Variants in WDR48 observed in about 807,000 individuals in gnomAD.
WDR48 encodes WD repeat domain 48, also known as WD repeat-containing protein 48.
A neutral mutation model predicts 94.0 loss-of-function variants in WDR48; 22 were observed. That is an observed-to-expected ratio of 0.23 (90% CI 0.17 to 0.33). The LOEUF is 0.33. Ranked by LOEUF, WDR48 falls within the 10% of genes least tolerant of loss-of-function variation. The probability of loss-of-function intolerance (pLI) is 1.00; values close to 1 mark genes in which losing one functional copy is unlikely to be tolerated. For missense variants in WDR48, 541 were observed against 813.8 expected, an observed-to-expected ratio of 0.66 and a Z score of 4.08; for synonymous variants, 278 against 280.5, an observed-to-expected ratio of 0.99 and a Z score of 0.09.
chr3:39,068,772 T>C lies in WDR48; in HGVS notation c.483T>C (p.Thr161=), dbSNP rs572645615. ...ALTASNNTVT[T]SSLSGNKDSI... ...TTTAGCTCCGTTTATCCTCAATAGC[T>C]TCTTCTTTAAGTGGAAACAAAGATT... is the stretch of plus-strand genomic sequence containing the variant. Residue 161 remains threonine, a splice_region_variant and synonymous_variant, in exon 6 of 19, where the codon ACT becomes ACC. Coordinates refer to ENST00000302313, the MANE Select transcript of WDR48 (RefSeq NM_020839.4). The C allele has an allele frequency of 6.2e-7, 1 of 1,602,402 alleles. No homozygotes were observed. Among genetic ancestry groups the C allele is most frequent in the South Asian group, 1.1e-5 (1 of 89,410 alleles).
rs567788990 is a variant in WDR48, at chr3:39,055,355, C to T, written c.48+3282C>T. On this transcript the variant is annotated intron_variant, in intron 1 of 18. Coordinates refer to ENST00000302313, the MANE Select transcript of WDR48 (RefSeq NM_020839.4). ...TATAAAAATTGCCGGCATGGTGGCG[C>T]ATGCCTGTAATCCCAGGTACTTGGG... Among the ~76,000 whole-genome samples the T allele has an allele frequency of 1.4e-4, 21 of 152,268 alleles. No individual in the cohort carries two copies. The East Asian group carries it at 3.9e-3, about 28-fold the overall frequency.
At chr3:39,062,990 T>G (rs1278142945) in intron 1 of WDR48, 60 bp from the exon 2 acceptor site, 2 of 1,589,068 alleles carry the variant, frequency 1.3e-6, no homozygotes, top group Non-Finnish European at 1.7e-6. Flanking sequence ...ACTAGTAGAC[T>G]ATATTTTATT....
At chr3:39,059,649 T>C (rs931075649) in intron 1 of WDR48, among the ~76,000 whole-genome samples, 5 of 151,604 alleles carry the variant, frequency 3.3e-5, no homozygotes, top group African/African-American at 2.4e-5. Context: ...TTACAGTTAA[T>C]TGCATCCAAA....
At chr3:39,072,961 GT>G (rs1249424811) in intron 7 of WDR48, among the ~76,000 whole-genome samples, 2 of 152,156 alleles carry the variant, frequency 1.3e-5, no homozygotes, top group African/African-American at 4.8e-5. Flanking sequence ...ATAAAACTGT[GT>G]TTCCTTATCT....
In WDR48 at chr3:39,079,656, A is replaced by G; in HGVS notation, c.1076-55A>G. 4 of 1,280,102 alleles carry G rather than the reference A, an allele frequency of 3.1e-6. No homozygotes were observed. In the South Asian group the frequency reaches 5.6e-5, roughly 18 times the overall value. The allele number at this position is 1,280,102 out of a possible 1,614,324, so 79.3% of individuals were successfully genotyped here. A position where few individuals can be genotyped will look rare whatever the true frequency, so the allele number is the denominator to read the frequency against. On this transcript the variant is annotated intron_variant, in intron 10 of 18. Coordinates refer to ENST00000302313, the MANE Select transcript of WDR48 (RefSeq NM_020839.4). Reference sequence around the variant, plus strand: ...ACCAGTTAACAATTGTTACCACACCATGAATTTAAATGTAGAAAGATTGTT... The same window carrying G: ...ACCAGTTAACAATTGTTACCACACCGTGAATTTAAATGTAGAAAGATTGTT...
chr3:39,089,748 T>C (rs2034986244), intron 16 of WDR48: 1 of 152,436 alleles, frequency 6.6e-6, no homozygotes, highest in African/African-American at 2.4e-5. Flanking sequence ...TCTTATACTG[T>C]TCTGCAACTT....
chr3:39,067,794 G>T (rs74648659), intron 5 of WDR48, among the ~76,000 whole-genome samples: 2 of 152,244 alleles, frequency 1.3e-5, no homozygotes, highest in Non-Finnish European at 2.9e-5. Context: ...ATAATCTCTT[G>T]ATTGTTGTTT....
chr3:39,084,376 G>A, intron 12 of WDR48, 114 bp downstream of exon 12: 1 of 717,372 alleles, frequency 1.4e-6, no homozygotes, highest in Non-Finnish European at 2.0e-6. Flanking sequence ...AAAAAAATTT[G>A]TGTTAAAACT....
chr3:39,084,656 T>TA lies in WDR48; in HGVS notation c.1294dup (p.Thr432AsnfsTer4), dbSNP rs2034713343. ...TTTTCTTTTGATAGATGTTAACTAT[T>TA]ACTTTGGATGAAAGTGATTGTTTTG... On this transcript the variant is annotated frameshift_variant, in exon 13 of 19. Coordinates refer to ENST00000302313, the MANE Select transcript of WDR48 (RefSeq NM_020839.4). LOFTEE classifies it high-confidence loss of function. 6.2e-7 allele frequency: 1 copy of TA among 1,613,716 alleles called. No homozygotes were observed. The highest frequency in any genetic ancestry group is 8.5e-7 in the Non-Finnish European group (1 of 1,179,882).
chr3:39,065,904 G>T lies in WDR48; in HGVS notation c.268+15G>T. The T allele has an allele frequency of 1.3e-6, 2 of 1,553,700 alleles. No individual in the cohort carries two copies. The highest frequency in any genetic ancestry group is 1.7e-6 in the Non-Finnish European group (2 of 1,154,692). On this transcript the variant is annotated intron_variant, in intron 3 of 18. Transcript: ENST00000302313. The stretch of plus-strand genomic sequence containing the variant: ...TGGGAAAACATGTAAGTATTTCTTT[G>T]GATTATTATTGGGCTTCTGATATAT...
chr3:39,068,329 T>C (rs1200424388), intron 5 of WDR48, among the ~76,000 whole-genome samples: 1 of 152,226 alleles, frequency 6.6e-6, no homozygotes, highest in Non-Finnish European at 1.5e-5. Context: ...CCTGAAAGGT[T>C]GTACCTATTT....
intron 6 of WDR48, among the ~76,000 whole-genome samples, chr3:39,069,382 C>T (rs770532698): frequency 1.3e-4 from 20 of 151,534 alleles, no homozygotes; most frequent in Non-Finnish European, 1.2e-4. Context: ...CTAGTGGGTG[C>T]TAAACAAAAG....
chr3:39,091,342 G>A (rs566172252), intron 16 of WDR48: 3 of 207,710 alleles, frequency 1.4e-5, no homozygotes, highest in African/African-American at 7.0e-5. Context: ...ATTCTGGTTT[G>A]TATGGCTTAA....
chr3:39,079,584 T>C, intron 10 of WDR48, 127 bp from the exon 11 acceptor site: 5 of 566,670 alleles, frequency 8.8e-6, no homozygotes, highest in Non-Finnish European at 1.5e-5. Flanking sequence ...TCTTTAGGTT[T>C]GCCTTTTCCT....
At position 39,077,199 on chromosome 3, in the gene WDR48, A is replaced by G. The variant is rs1420099246; in HGVS notation, c.958A>G (p.Thr320Ala). The G allele has an allele frequency of 6.2e-7, 1 of 1,614,132 alleles. No homozygotes were observed. Among genetic ancestry groups the G allele is most frequent in the East Asian group, 2.2e-5 (1 of 44,864 alleles). ...AATTTGGGTTGCAACAACTAAGTCTACAGTAAATAAATGGGTAAGTGAGCT... is the reference window on the plus strand; with the variant it reads ...AATTTGGGTTGCAACAACTAAGTCTGCAGTAAATAAATGGGTAAGTGAGCT... ...PAIWVATTKS[T>A]VNKWTLKGIH... The change falls in exon 9 of 19, where the codon ACA (threonine) becomes GCA (alanine). Residue 320 changes from threonine to alanine, a missense_variant. Thr to Ala is a moderately conservative substitution (Grantham distance 58). This residue lies in a region of WDR48 where 238 missense variants were observed against 285.3 expected (regional missense o/e 0.83). Transcript: ENST00000302313.
intron 1 of WDR48, 158 bp downstream of exon 1, chr3:39,052,231 G>C: frequency 2.4e-6 from 2 of 834,704 alleles, no homozygotes. Flanking sequence ...CGGCGCTAAC[G>C]GCTTGAGGAA....
In WDR48 at chr3:39,052,019, A is replaced by G. The variant is rs1225128839; in HGVS notation, c.-7A>G. The G allele has an allele frequency of 1.2e-6, 2 of 1,613,822 alleles. No homozygotes were observed. The highest frequency in any genetic ancestry group is 2.2e-5 in the East Asian group (1 of 44,852). On this transcript the variant is annotated 5_prime_UTR_variant, in exon 1 of 19. It removes an upstream start codon present in the reference 5' UTR. Coordinates refer to ENST00000302313, the MANE Select transcript of WDR48 (RefSeq NM_020839.4). ...CCGGAAGTGACGTCGGAGTGTCAAC[A>G]TGCAAGATGGCGGCCCATCACCGGC...
intron 5 of WDR48, 117 bp from the exon 6 acceptor site, chr3:39,068,654 C>A: frequency 1.6e-6 from 1 of 621,404 alleles, no homozygotes; most frequent in Non-Finnish European, 2.9e-6. Context: ...GATTTCTTTT[C>A]CGTAGAGGAC....
intron 8 of WDR48, among the ~76,000 whole-genome samples, chr3:39,075,838 C>T (rs907835090): frequency 6.6e-6 from 1 of 151,906 alleles, no homozygotes; most frequent in Non-Finnish European, 1.5e-5. Flanking sequence ...GGACTATAGG[C>T]ACCCACCACC....
Sources: gnomAD v4.1 joint callset for allele counts (sites outside exome capture counted in the v4.1 genomes callset) on GRCh38, gnomAD v4.1.1 for gene constraint, gnomAD v4.1.1 regional missense constraint, MANE v1.5 for transcripts, NCBI Gene and HGNC (gene_info 2026-07-23, HGNC 2026-07-21) for gene names.